The following PSMF1 variants were observed in gnomAD, a reference collection of about 807,000 sequenced individuals.
The protein encoded by PSMF1 is proteasome inhibitor PI31 subunit.
In PSMF1, 30 loss-of-function variants were observed where a neutral mutation model predicts 29.3. That is an observed-to-expected ratio of 1.02 (90% confidence interval 0.77 to 1.39). PSMF1 has a LOEUF of 1.39. Ranked by LOEUF, PSMF1 falls within the 40% of genes most tolerant of loss-of-function variation. The pLI, the probability that PSMF1 is intolerant of heterozygous loss-of-function variation, is 0.00. For synonymous variants in PSMF1, 134 were observed against 139.7 expected (o/e 0.96, Z 0.29); for missense variants, 344 against 357.5 (o/e 0.96, Z 0.31).
At chr20:1,118,555 A>AG (rs1200570919), upstream of PSMF1, 2 of 494,602 alleles carry the variant, frequency 4.0e-6, no homozygotes, top group Non-Finnish European at 7.0e-6. Flanking sequence ...TCGCGTTGCC[A>AG]ACCCGGCGCG....
intron 1 of PSMF1, among the ~76,000 whole-genome samples, 154 bp from the exon 2 acceptor site, chr20:1,125,344 C>T (rs1275889096): frequency 6.6e-6 from 1 of 152,210 alleles, no homozygotes; most frequent in Non-Finnish European, 1.5e-5. Flanking sequence ...CTAGACCTCT[C>T]TCTCGCTGTA....
intron 2 of PSMF1, 140 bp downstream of exon 2, chr20:1,125,790 T>C (rs1456451520): frequency 1.7e-6 from 2 of 1,167,388 alleles, no homozygotes; most frequent in Non-Finnish European, 2.4e-6. Context: ...AACTTTATCT[T>C]AAGGTGAGAA....
rs1434105917 is a variant in PSMF1, at chr20:1,127,391, T to C, written c.283-35T>C. On this transcript the variant is annotated intron_variant, in intron 2 of 6. Coordinates refer to ENST00000335877, the MANE Select transcript of PSMF1 (RefSeq NM_006814.5). ...ACCCTCCCACTCTTAGCCAGAAATA[T>C]CCCAGTCTCTCACTTTCTATTTTCA... 5 of 1,498,230 alleles carry C rather than the reference T, an allele frequency of 3.3e-6. No homozygotes were observed. The African/African-American group carries it at 5.5e-5, about 17-fold the overall frequency. 92.8% of individuals were successfully genotyped at this position (1,498,230 alleles called of 1,614,324 possible). A position where few individuals can be genotyped will look rare whatever the true frequency, so the allele number is the denominator to read the frequency against.
Position 1,164,886 on chromosome 20 carries a change from C to T in PSMF1, c.765-143C>T. ...GAGTCAGGATTCAAACCCCGGTTGTCTGGCTCTTGAGTGCATGTGTTTAAA... is the reference window on the plus strand; with the variant it reads ...GAGTCAGGATTCAAACCCCGGTTGTTTGGCTCTTGAGTGCATGTGTTTAAA... On this transcript the variant is annotated intron_variant, in intron 6 of 6. Transcript: ENST00000335877. The surrounding 1 kb of genome is among the most constrained non-coding windows in gnomAD (Gnocchi z 4.1). 2 of 762,366 alleles carry T rather than the reference C, an allele frequency of 2.6e-6. No individual in the cohort carries two copies. Among genetic ancestry groups the T allele is most frequent in the South Asian group, 3.4e-5 (2 of 59,308 alleles). 47.2% of individuals were successfully genotyped at this position (762,366 alleles called of 1,614,324 possible).
rs765817990 is a variant in PSMF1 at position 1,127,509 on chromosome 20, G to A, written c.365+1G>A. 6 of 1,583,478 alleles carry A rather than the reference G, an allele frequency of 3.8e-6. No homozygotes were observed. The East Asian group carries it at 1.1e-4, about 29-fold the overall frequency. On this transcript the variant is annotated splice_donor_variant, in intron 3 of 6. Transcript: ENST00000335877. LOFTEE classifies it high-confidence loss of function. ...CAGAACACCTGGGTGACTTCCACAG[G>A]TACTTCTAAATGATGTCTCTTCCCT...
intron 1 of PSMF1, among the ~76,000 whole-genome samples, chr20:1,122,295 CTTTTTTTTTT>C (rs144183769): frequency 3.0e-5 from 4 of 131,638 alleles, no homozygotes; most frequent in East Asian, 2.2e-4. Flanking sequence ...TTTTTCTTTT[CTTTTTTTTTT>C]TTTTTTTTTT....
Position 1,171,252 on chromosome 20 carries a change from C to T in PSMF1, c.*6172C>T, listed in dbSNP as rs1468530988. 6.6e-6 allele frequency among the ~76,000 whole-genome samples: 1 copy of T among 152,160 alleles called. No homozygotes were observed. Among genetic ancestry groups the T allele is most frequent in the Non-Finnish European group, 1.5e-5 (1 of 68,032 alleles). ...CAGAGCACCTGGTTAGGAGGAGCAT[C>T]TGAAACCACCTGCACAACCTCCATT... is the stretch of plus-strand genomic sequence containing the variant. On this transcript the variant is annotated 3_prime_UTR_variant, in exon 7 of 7. Transcript: ENST00000335877.
chr20:1,143,482 A>G (rs945241237), intron 4 of PSMF1, among the ~76,000 whole-genome samples: 7 of 152,230 alleles, frequency 4.6e-5, no homozygotes, highest in Non-Finnish European at 7.3e-5. Context: ...ATGACCTCAA[A>G]GTGGATCATT....
At chr20:1,155,545 A>T (rs1020358468) in intron 4 of PSMF1, among the ~76,000 whole-genome samples, 1 of 152,372 alleles carries the variant, frequency 6.6e-6, no homozygotes, top group East Asian at 1.9e-4. Flanking sequence ...TTCCAAGGAA[A>T]TGGAAAGTAC....
chr20:1,155,239 G>A (rs1197189027), intron 4 of PSMF1, among the ~76,000 whole-genome samples: 1 of 152,180 alleles, frequency 6.6e-6, no homozygotes, highest in Non-Finnish European at 1.5e-5. Flanking sequence ...AAAGGAGCAG[G>A]GAAAGGCACT....
chr20:1,154,888 G>A (rs1198539850), intron 4 of PSMF1, among the ~76,000 whole-genome samples: 1 of 152,224 alleles, frequency 6.6e-6, no homozygotes, highest in African/African-American at 2.4e-5. Flanking sequence ...CACACCCAGT[G>A]ATCAGCCACA....
At chr20:1,149,234 C>G (rs896140539) in intron 4 of PSMF1, among the ~76,000 whole-genome samples, 1 of 152,164 alleles carries the variant, frequency 6.6e-6, no homozygotes, top group South Asian at 2.1e-4. Context: ...TACTGTTAAA[C>G]CAACTTGACG....
chr20:1,170,979 C>T lies in PSMF1; in HGVS notation c.*5899C>T, dbSNP rs1375942485. Among the ~76,000 whole-genome samples, 2 of 152,056 alleles carry T rather than the reference C, an allele frequency of 1.3e-5. No individual in the cohort carries two copies. The highest frequency in any genetic ancestry group is 2.9e-5 in the Non-Finnish European group (2 of 68,004). ...CACCTACCCCCTGGGGTGGCAGAACCGTGATTGGAACCCAGGTCAGTGCTC... is the reference window on the plus strand; with the variant it reads ...CACCTACCCCCTGGGGTGGCAGAACTGTGATTGGAACCCAGGTCAGTGCTC... On this transcript the variant is annotated 3_prime_UTR_variant, in exon 7 of 7. Transcript: ENST00000335877.
chr20:1,126,049 TCACA>T, intron 2 of PSMF1: 1 of 443,128 alleles, frequency 2.3e-6, no homozygotes, highest in Non-Finnish European at 4.5e-6. Flanking sequence ...CATCTGCCAC[TCACA>T]CAGCCCTTCA....
Position 1,171,667 on chromosome 20 carries a change from C to G in PSMF1, c.*6587C>G, listed in dbSNP as rs935198896. Among the ~76,000 whole-genome samples the G allele has an allele frequency of 6.6e-5, 10 of 152,178 alleles. No individual in the cohort carries two copies. Among genetic ancestry groups the G allele is most frequent in the Non-Finnish European group, 1.5e-5 (1 of 68,028 alleles). On this transcript the variant is annotated 3_prime_UTR_variant, in exon 7 of 7. Coordinates refer to ENST00000335877, the MANE Select transcript of PSMF1 (RefSeq NM_006814.5). ...AGAGGAAGGTGCCATACAGGTTCAG[C>G]ACCCTGGTCAGCGCCCAGCCTCCCT...
intron 4 of PSMF1, chr20:1,160,743 C>T (rs895718600): frequency 6.7e-6 from 3 of 449,600 alleles, no homozygotes; most frequent in African/African-American, 6.1e-5. Flanking sequence ...GGTCTTCTAC[C>T]TGGGCGACAA....
intron 4 of PSMF1, among the ~76,000 whole-genome samples, chr20:1,146,010 C>T (rs1249732326): frequency 6.6e-6 from 1 of 152,084 alleles, no homozygotes; most frequent in Non-Finnish European, 1.5e-5. Flanking sequence ...GTGCATTGTA[C>T]ATTTTTGGTG....
intron 3 of PSMF1, among the ~76,000 whole-genome samples, chr20:1,132,651 T>C (rs564423743): frequency 6.6e-6 from 1 of 152,276 alleles, no homozygotes; most frequent in South Asian, 2.1e-4. Context: ...TTGATAGGAG[T>C]TGCATTAAAC....
chr20:1,143,398 T>G (rs1301000609), intron 4 of PSMF1, among the ~76,000 whole-genome samples: 1 of 152,192 alleles, frequency 6.6e-6, no homozygotes, highest in East Asian at 1.9e-4. Context: ...AAGAATGTCT[T>G]TCAGTAGATG....
Sources: allele counts gnomAD v4.1 joint callset (sites outside exome capture counted in the v4.1 genomes callset), GRCh38; gene constraint gnomAD v4.1.1; non-coding constraint Gnocchi (gnomAD v3.1); transcripts MANE v1.5; gene names NCBI Gene and HGNC (gene_info 2026-07-23, HGNC 2026-07-21).